The following ANKRD6 variants were observed in gnomAD, a reference collection of about 807,000 sequenced individuals.
ANKRD6 encodes the protein ankyrin repeat domain-containing protein 6.
In ANKRD6, 56 loss-of-function variants were observed where a neutral mutation model predicts 82.3. The ratio of observed to expected loss-of-function variants is 0.68; its 90% CI spans 0.55 to 0.85. ANKRD6 has a LOEUF of 0.85. ANKRD6 is among the 40% of genes least tolerant of loss of function. The pLI, the probability that ANKRD6 is intolerant of heterozygous loss-of-function variation, is 0.00. For synonymous variants in ANKRD6, 347 were observed against 352.1 expected, an observed-to-expected ratio of 0.99 and a Z score of 0.16; for missense variants, 852 against 907.6, an observed-to-expected ratio of 0.94 and a Z score of 0.79.
chr6:89,472,077 C>T (rs1393516801), intron 1 of ANKRD6, among the ~76,000 whole-genome samples: 1 of 151,792 alleles, frequency 6.6e-6, no homozygotes, highest in South Asian at 2.1e-4. Flanking sequence ...CAATCTTTGG[C>T]GTTCCCTAGC....
chr6:89,464,518 C>A (rs1236340800), intron 1 of ANKRD6, among the ~76,000 whole-genome samples: 4 of 152,190 alleles, frequency 2.6e-5, no homozygotes, highest in Non-Finnish European at 5.9e-5. Flanking sequence ...AGAGCAGGAA[C>A]ATCACATGAT....
At chr6:89,445,731 A>G (rs1364381852) in intron 1 of ANKRD6, among the ~76,000 whole-genome samples, 2 of 151,856 alleles carry the variant, frequency 1.3e-5, no homozygotes, top group African/African-American at 4.8e-5. Context: ...GGCGTAAGCC[A>G]CTGCGCCTGG....
At chr6:89,579,128 G>A (rs763946534) in intron 2 of ANKRD6, among the ~76,000 whole-genome samples, 19 of 152,132 alleles carry the variant, frequency 1.2e-4, no homozygotes, top group Non-Finnish European at 2.5e-4. Flanking sequence ...CGTGGATGCA[G>A]GAGCCAGGTG....
intron 1 of ANKRD6, among the ~76,000 whole-genome samples, chr6:89,528,248 A>G (rs1458376813): frequency 2.6e-5 from 4 of 152,236 alleles, no homozygotes; most frequent in Admixed American, 1.3e-4. Context: ...ATTGGAGTCA[A>G]TCTTCTCAAA....
intron 1 of ANKRD6, among the ~76,000 whole-genome samples, chr6:89,536,377 A>G (rs938135498): frequency 6.6e-6 from 1 of 152,216 alleles, no homozygotes; most frequent in African/African-American, 2.4e-5. Context: ...TTGTTTTCCC[A>G]GCTGCCCTTT....
chr6:89,503,724 G>A lies in ANKRD6; in HGVS notation c.-143-63110G>A, dbSNP rs376583053. Among the ~76,000 whole-genome samples, 10 of 152,300 alleles carry A rather than the reference G, an allele frequency of 6.6e-5. No homozygotes were observed. In the South Asian group the frequency reaches 8.3e-4, roughly 13 times the overall value. ...AGTGCTAAGACTGCAGTTTTAAATA[G>A]GGTAGTCAGAGAAGGCATCACTGAT... On this transcript the variant is annotated intron_variant, in intron 1 of 15. Transcript: ENST00000339746.
chr6:89,530,463 T>G (rs1398884702), intron 1 of ANKRD6, among the ~76,000 whole-genome samples: 1 of 152,046 alleles, frequency 6.6e-6, no homozygotes, highest in African/African-American at 2.4e-5. Flanking sequence ...TCTTATTGAT[T>G]AGGGAAGGGG....
chr6:89,629,592 T>C (rs373015426), intron 15 of ANKRD6: 1 of 317,964 alleles, frequency 3.1e-6, no homozygotes, highest in African/African-American at 2.1e-5. Context: ...CCCTTGCCTT[T>C]TGTGCCTTTT....
intron 1 of ANKRD6, among the ~76,000 whole-genome samples, chr6:89,506,344 A>C (rs1317507037): frequency 6.6e-6 from 1 of 151,858 alleles, no homozygotes; most frequent in Admixed American, 6.6e-5. Flanking sequence ...TTTGAGATGG[A>C]GTTTCTGTCA....
At chr6:89,451,080 G>T (rs1037926966) in intron 1 of ANKRD6, among the ~76,000 whole-genome samples, 3 of 152,164 alleles carry the variant, frequency 2.0e-5, no homozygotes, top group Non-Finnish European at 4.4e-5. Context: ...GGCCAAGGTA[G>T]GTGGATTGCT....
Position 89,630,952 on chromosome 6 carries a change from G to T in ANKRD6, c.2132G>T (p.Ser711Ile). 6.3e-7 allele frequency: 1 copy of T among 1,595,722 alleles called. No individual in the cohort carries two copies. Among genetic ancestry groups the T allele is most frequent in the African/African-American group, 1.3e-5 (1 of 74,508 alleles). The change falls in exon 16 of 16, where the codon AGT (serine) becomes ATT (isoleucine). Residue 711 changes from serine (S) to isoleucine (I), a missense_variant. Coordinates refer to ENST00000339746, the MANE Select transcript of ANKRD6 (RefSeq NM_001242809.2). ...GCTACATTGAAGGAACACATTAAAAGTTTAGAAGAGGAACTTGCCAAACTA... is the reference window on the plus strand; with the variant it reads ...GCTACATTGAAGGAACACATTAAAATTTTAGAAGAGGAACTTGCCAAACTA... ...DKATLKEHIK[S>I]LEEELAKLRT...
At chr6:89,591,888 C>A (rs970767118) in intron 2 of ANKRD6, among the ~76,000 whole-genome samples, 1 of 152,182 alleles carries the variant, frequency 6.6e-6, no homozygotes, top group Non-Finnish European at 1.5e-5. Flanking sequence ...GGGAACACAG[C>A]CCCTCCTCAG....
chr6:89,467,366 T>C (rs1774967912), intron 1 of ANKRD6, among the ~76,000 whole-genome samples: 1 of 152,214 alleles, frequency 6.6e-6, no homozygotes, highest in Non-Finnish European at 1.5e-5. Flanking sequence ...TACTTGTTGG[T>C]AAGTTGATTT....
intron 1 of ANKRD6, among the ~76,000 whole-genome samples, chr6:89,543,743 T>G (rs1410237701): frequency 6.6e-6 from 1 of 152,224 alleles, no homozygotes; most frequent in Non-Finnish European, 1.5e-5. Context: ...TGTCAGCCTC[T>G]GCTTTTCAGC....
At chr6:89,446,095 G>A (rs578048889) in intron 1 of ANKRD6, among the ~76,000 whole-genome samples, 83 of 152,014 alleles carry the variant, frequency 5.5e-4, no homozygotes, top group Admixed American at 2.0e-3. Context: ...GCTCATGCCT[G>A]TAATCCCAGC....
intron 1 of ANKRD6, among the ~76,000 whole-genome samples, chr6:89,436,134 A>G (rs1370952660): frequency 6.6e-6 from 1 of 152,220 alleles, no homozygotes; most frequent in African/African-American, 2.4e-5. Flanking sequence ...AAGTTGTTTG[A>G]AAAAATAATA....
At chr6:89,554,038 G>A (rs1786227033) in intron 1 of ANKRD6, among the ~76,000 whole-genome samples, 1 of 152,168 alleles carries the variant, frequency 6.6e-6, no homozygotes, top group Non-Finnish European at 1.5e-5. Context: ...CTTCAAAAAG[G>A]GAGCACAGCC....
chr6:89,565,818 T>A (rs1354437343), intron 1 of ANKRD6, among the ~76,000 whole-genome samples: 1 of 152,254 alleles, frequency 6.6e-6, no homozygotes, highest in Non-Finnish European at 1.5e-5. Context: ...TATGTACTAG[T>A]ATTTTTAATA....
intron 1 of ANKRD6, among the ~76,000 whole-genome samples, chr6:89,509,722 A>G (rs1172293333): frequency 6.6e-6 from 1 of 152,172 alleles, no homozygotes; most frequent in African/African-American, 2.4e-5. Flanking sequence ...TCGTCATTTA[A>G]TCTTCTAACA....
Sources: allele counts gnomAD v4.1 joint callset (sites outside exome capture counted in the v4.1 genomes callset), GRCh38; gene constraint gnomAD v4.1.1; transcripts MANE v1.5; gene names NCBI Gene and HGNC (gene_info 2026-07-23, HGNC 2026-07-21).